Variants in CEP95 observed in about 807,000 individuals in gnomAD.
The protein encoded by CEP95 is centrosomal protein of 95 kDa.
CEP95 carries 98 observed loss-of-function variants against 111.2 expected under a neutral mutation model. That is an observed-to-expected ratio of 0.88 (90% CI 0.75 to 1.04). The LOEUF is 1.04. Ranked by LOEUF, CEP95 falls within the 50% of genes least tolerant of loss-of-function variation. The pLI is 0.00. For synonymous variants in CEP95, 323 were observed against 327.1 expected, an observed-to-expected ratio of 0.99 and a Z score of 0.14; for missense variants, 1,027 against 977.2, an observed-to-expected ratio of 1.05 and a Z score of -0.68.
In CEP95 at chr17:64,514,447, G is replaced by T. The variant is rs1555675935; in HGVS notation, c.367+89G>T. 4.4e-6 allele frequency: 3 copies of T among 681,282 alleles called. No homozygotes were observed. In the African/African-American group the frequency reaches 5.4e-5, roughly 12 times the overall value. The allele number at this position is 681,282 out of a possible 1,614,324, so 42.2% of individuals were successfully genotyped here. On this transcript the variant is annotated intron_variant, in intron 4 of 19. Transcript: ENST00000556440. The stretch of plus-strand genomic sequence containing the variant: ...TCTTTTTGTGTATTTTTCTTCATAG[G>T]AAGCAGATTCACTAATACAGTATAC...
In CEP95 at chr17:64,519,429, AAGT is replaced by A. The variant is rs1555677173; in HGVS notation, c.584_586del (p.Ser195del). 6.2e-7 allele frequency: 1 copy of A among 1,606,304 alleles called. No individual in the cohort carries two copies. Among genetic ancestry groups the A allele is most frequent in the East Asian group, 2.2e-5 (1 of 44,858 alleles). The stretch of plus-strand genomic sequence containing the variant: ...ACACAGCACACACCTTTTCTCTAAG[AAGT>A]AATGGTGAGTAGTTAAACCTGAAGT... On this transcript the variant is annotated inframe_deletion, in exon 6 of 20. Transcript: ENST00000556440.
At position 64,507,057 on chromosome 17, in the gene CEP95, C is replaced by G. The variant is rs782747693; in HGVS notation, c.-41C>G. 4.9e-5 allele frequency: 76 copies of G among 1,550,604 alleles called. No homozygotes were observed. The South Asian group carries it at 8.3e-4, about 17-fold the overall frequency. On this transcript the variant is annotated 5_prime_UTR_variant, in exon 1 of 20. Coordinates refer to ENST00000556440, the MANE Select transcript of CEP95 (RefSeq NM_138363.3). ...GGTCCTTCCAGGACACCGTCGCCTT[C>G]CCGGCCGCGTCGGAGTCCGGCGGCG...
chr17:64,508,118 A>G (rs2038671826), intron 1 of CEP95: 2 of 985,454 alleles, frequency 2.0e-6, no homozygotes, highest in Non-Finnish European at 2.4e-6. Context: ...TTTTTCCGGC[A>G]CCAGAGAAAC....
intron 3 of CEP95, among the ~76,000 whole-genome samples, chr17:64,512,155 G>A (rs2038930949): frequency 6.6e-6 from 1 of 152,148 alleles, no homozygotes; most frequent in Non-Finnish European, 1.5e-5. Context: ...GAAAAATGTA[G>A]TACAATTATA....
chr17:64,536,157 G>A (rs1328401472), intron 17 of CEP95: 1 of 152,856 alleles, frequency 6.5e-6, no homozygotes, highest in African/African-American at 2.4e-5. Flanking sequence ...AAAACATACT[G>A]AATTATTTAT....
At position 64,522,728 on chromosome 17, in the gene CEP95, C is replaced by T. The variant is rs1447979647; in HGVS notation, c.742C>T (p.Pro248Ser). 1 of 1,612,918 alleles carries T rather than the reference C, an allele frequency of 6.2e-7. No homozygotes were observed. The highest frequency in any genetic ancestry group is 1.3e-5 in the African/African-American group (1 of 74,828). ...GGAAACCCTTTCTGTGAGTGGGATTCCAAATGCTAGGAAGCTAGGGGAGCC... is the reference window on the plus strand; with the variant it reads ...GGAAACCCTTTCTGTGAGTGGGATTTCAAATGCTAGGAAGCTAGGGGAGCC... ...DTETLSVSGI[P>S]NARKLGEPIR... Residue 248 changes from proline (P) to serine (S), a missense_variant, in exon 8 of 20, where the codon CCA becomes TCA. Transcript: ENST00000556440.
rs200062701 is a variant in CEP95 at position 64,510,169 on chromosome 17, C to T, written c.149-4C>T. 5 of 1,575,270 alleles carry T rather than the reference C, an allele frequency of 3.2e-6. No individual in the cohort carries two copies. Among genetic ancestry groups the T allele is most frequent in the East Asian group, 2.2e-5 (1 of 44,540 alleles). On this transcript the variant is annotated splice_polypyrimidine_tract_variant and splice_region_variant and intron_variant, in intron 2 of 19. Transcript: ENST00000556440. Reference sequence around the variant, plus strand: ...CAAAATTATGTGATTTTTTCCCCCCCCAGACCTCATAGTTATTCCTAGGAG... The same window carrying T: ...CAAAATTATGTGATTTTTTCCCCCCTCAGACCTCATAGTTATTCCTAGGAG...
At chr17:64,530,097 A>G (rs1968152749) in intron 12 of CEP95, among the ~76,000 whole-genome samples, 2 of 152,160 alleles carry the variant, frequency 1.3e-5, no homozygotes, top group Non-Finnish European at 2.9e-5. Flanking sequence ...TATATATGTT[A>G]AAGTAATGTA....
chr17:64,520,683 T>G (rs1967255792), intron 6 of CEP95: 1 of 152,250 alleles, frequency 6.6e-6, no homozygotes, highest in African/African-American at 2.4e-5. Flanking sequence ...TCTGCCTGCC[T>G]TGGCCTCCCA....
intron 17 of CEP95, chr17:64,535,443 T>C (rs1423635649): frequency 6.5e-6 from 1 of 152,986 alleles, no homozygotes; most frequent in African/African-American, 2.4e-5. Context: ...GTGATGTACA[T>C]GTGTAGGTGT....
rs565089645 is a variant in CEP95 at position 64,536,585 on chromosome 17, G to A, written c.2071-17G>A. 31 of 1,574,116 alleles carry A rather than the reference G, an allele frequency of 2.0e-5. No individual in the cohort carries two copies. The highest frequency in any genetic ancestry group is 1.8e-4 in the African/African-American group (13 of 72,592). On this transcript the variant is annotated splice_polypyrimidine_tract_variant and intron_variant, in intron 17 of 19. Coordinates refer to ENST00000556440, the MANE Select transcript of CEP95 (RefSeq NM_138363.3). ...GATATTCCTCAATGACTATTTTTAC[G>A]ATTAAATAACTGACAGATATTTAAG...
Position 64,537,788 on chromosome 17 carries a change from T to G in CEP95, c.*9T>G. 6.5e-7 allele frequency: 1 copy of G among 1,548,418 alleles called. No individual in the cohort carries two copies. Among genetic ancestry groups the G allele is most frequent in the Non-Finnish European group, 8.8e-7 (1 of 1,142,284 alleles). On this transcript the variant is annotated 3_prime_UTR_variant, in exon 20 of 20. Transcript: ENST00000556440. ...AAAGTCCCTCCCTATGAGGCCAGACTTGATAATAGTAGGTGAAGGTTCTGG... is the reference window on the plus strand; with the variant it reads ...AAAGTCCCTCCCTATGAGGCCAGACGTGATAATAGTAGGTGAAGGTTCTGG...
At chr17:64,527,967 AT>A (rs1196031548) in intron 11 of CEP95, among the ~76,000 whole-genome samples, 1 of 151,620 alleles carries the variant, frequency 6.6e-6, no homozygotes, top group Non-Finnish European at 1.5e-5. Context: ...TTTCATTACT[AT>A]AAAAATTCTG....
intron 2 of CEP95, among the ~76,000 whole-genome samples, chr17:64,509,080 C>T (rs1332938059): frequency 6.6e-6 from 1 of 152,082 alleles, no homozygotes; most frequent in African/African-American, 2.4e-5. Context: ...AATGTACCTT[C>T]AAAGGTTGTA....
rs137904746 is a variant in CEP95 at position 64,532,691 on chromosome 17, G to A, written c.1673-148G>A. On this transcript the variant is annotated intron_variant, in intron 14 of 19. Coordinates refer to ENST00000556440, the MANE Select transcript of CEP95 (RefSeq NM_138363.3). Reference sequence around the variant, plus strand: ...AGTAGTTGGCTTACTCCAATCAGAGGAGTAATGCAAATTATTATAAGTACA... The same window carrying A: ...AGTAGTTGGCTTACTCCAATCAGAGAAGTAATGCAAATTATTATAAGTACA... 1.0e-5 allele frequency: 15 copies of A among 1,440,524 alleles called. No individual in the cohort carries two copies. The African/African-American group carries it at 2.0e-4, about 19-fold the overall frequency. 89.2% of individuals were successfully genotyped at this position (1,440,524 alleles called of 1,614,324 possible).
rs782241869 is a variant in CEP95, at chr17:64,510,179, T to C, written c.155T>C (p.Ile52Thr). ...SILGEKVPDL[I>T]VIPRSQEDDA... is the part of the protein sequence containing the mutation. The stretch of plus-strand genomic sequence containing the variant: ...TGATTTTTTCCCCCCCCAGACCTCA[T>C]AGTTATTCCTAGGAGTCAAGAAGAT... The change falls in exon 3 of 20, where the codon ATA (isoleucine) becomes ACA (threonine). Residue 52 changes from isoleucine (I) to threonine (T), a missense_variant. Ile to Thr is a moderately conservative substitution (Grantham distance 89). Transcript: ENST00000556440. The C allele has an allele frequency of 1.3e-6, 2 of 1,596,382 alleles. No individual in the cohort carries two copies. Among genetic ancestry groups the C allele is most frequent in the South Asian group, 1.1e-5 (1 of 89,534 alleles).
At position 64,537,694 on chromosome 17, in the gene CEP95, T is replaced by A. The variant is rs1259248062; in HGVS notation, c.2381T>A (p.Val794Asp). The A allele has an allele frequency of 3.1e-6, 5 of 1,613,370 alleles. No individual in the cohort carries two copies. The highest frequency in any genetic ancestry group is 2.7e-5 in the African/African-American group (2 of 74,932). Residue 794 changes from valine to aspartate, a missense_variant, in exon 20 of 20, where the codon GTT becomes GAT. Coordinates refer to ENST00000556440, the MANE Select transcript of CEP95 (RefSeq NM_138363.3). ...ATGATAACACAGAATGATGATGATG[T>A]TTTCTTCCGGGAACTGGAAGCTGAG... ...QDMITQNDDD[V>D]FFRELEAERF...
intron 1 of CEP95, chr17:64,508,138 C>T (rs566397674): frequency 2.0e-6 from 2 of 985,428 alleles, no homozygotes; most frequent in East Asian, 1.1e-4. Context: ...CCCTGACTTG[C>T]ACAAGATAAT....
At chr17:64,514,022 T>C (rs1321768884) in intron 3 of CEP95, among the ~76,000 whole-genome samples, 1 of 152,176 alleles carries the variant, frequency 6.6e-6, no homozygotes, top group African/African-American at 2.4e-5. Context: ...AGCTTCCCCC[T>C]TTTTTTCTTC....
Sources: gnomAD v4.1 joint callset for allele counts (sites outside exome capture counted in the v4.1 genomes callset) on GRCh38, gnomAD v4.1.1 for gene constraint, MANE v1.5 for transcripts, NCBI Gene and HGNC (gene_info 2026-07-23, HGNC 2026-07-21) for gene names.